TTI1: variants seen among roughly 807,000 people sequenced by gnomAD.
TTI1 encodes the protein TELO2-interacting protein 1 homolog.
Under a neutral mutation model 85.4 loss-of-function variants are expected in TTI1, and 52 were observed. The ratio of observed to expected loss-of-function variants is 0.61; its 90% CI spans 0.49 to 0.77. The LOEUF (loss-of-function observed/expected upper bound fraction) is 0.77. Ranked by LOEUF, TTI1 falls within the 30% of genes least tolerant of loss-of-function variation. The pLI is 0.00. For synonymous variants in TTI1, 512 were observed against 503.9 expected (o/e 1.02, Z -0.22); for missense variants, 1,173 against 1,296.0 (o/e 0.91, Z 1.46).
rs7266347 is a variant in TTI1 at position 37,990,407 on chromosome 20, C to T, written c.3086+5968G>A. ...AGCAAAATAACATACATGCTTTTTT[C>T]GGTCTTATAGATGAGAAAACAGAGA... On this transcript the variant is annotated intron_variant, in intron 7 of 7. Coordinates refer to ENST00000373447, the MANE Select transcript of TTI1 (RefSeq NM_001303457.2). Among the ~76,000 whole-genome samples the T allele has an allele frequency of 5.6e-3, 852 of 152,154 alleles. 6 individuals are homozygous for T. Among genetic ancestry groups the T allele is most frequent in the African/African-American group, 0.02 (810 of 41,514 alleles).
intron 1 of TTI1, among the ~76,000 whole-genome samples, chr20:38,029,297 T>C (rs1233342329): frequency 6.6e-6 from 1 of 152,070 alleles, no homozygotes; most frequent in Non-Finnish European, 1.5e-5. Context: ...AATCTGTGGA[T>C]ACAGCTATAG....
chr20:38,029,673 T>C (rs1600661740), intron 1 of TTI1, among the ~76,000 whole-genome samples: 1 of 151,992 alleles, frequency 6.6e-6, no homozygotes, highest in Admixed American at 6.6e-5. Flanking sequence ...CCTGCAGACA[T>C]CAAAGGGTAA....
intron 2 of TTI1, among the ~76,000 whole-genome samples, chr20:38,009,713 G>A (rs188848709): frequency 4.9e-4 from 74 of 152,216 alleles, no homozygotes; most frequent in Non-Finnish European, 1.1e-3. Flanking sequence ...AGGTTGCCCA[G>A]GCTGGTCTTG....
intron 7 of TTI1, among the ~76,000 whole-genome samples, chr20:37,986,655 C>T (rs1048134694): frequency 6.6e-6 from 1 of 152,258 alleles, no homozygotes; most frequent in Non-Finnish European, 1.5e-5. Context: ...ACCTGGCCCA[C>T]TCTCCTCACA....
At chr20:37,985,907 T>A (rs763976557) in intron 7 of TTI1, among the ~76,000 whole-genome samples, 5 of 152,180 alleles carry the variant, frequency 3.3e-5, no homozygotes, top group Non-Finnish European at 5.9e-5. Flanking sequence ...ATAACCTCCA[T>A]AGTGGTTGTT....
intron 1 of TTI1, among the ~76,000 whole-genome samples, chr20:38,031,370 C>T (rs1276813841): frequency 6.6e-6 from 1 of 152,242 alleles, no homozygotes; most frequent in Non-Finnish European, 1.5e-5. Flanking sequence ...ATTGTCCTCT[C>T]TGCTGTTGCT....
intron 1 of TTI1, among the ~76,000 whole-genome samples, chr20:38,014,356 T>A (rs1236784753): frequency 6.6e-6 from 1 of 152,190 alleles, no homozygotes; most frequent in East Asian, 1.9e-4. Flanking sequence ...TACAAAATAA[T>A]TCCAACAACC....
chr20:38,002,008 C>T (rs1026973874), intron 4 of TTI1, among the ~76,000 whole-genome samples: 5 of 152,118 alleles, frequency 3.3e-5, no homozygotes, highest in Admixed American at 6.5e-5. Flanking sequence ...TGAGCCACCG[C>T]GCCTGGCCGA....
intron 7 of TTI1, among the ~76,000 whole-genome samples, chr20:37,984,876 T>C (rs1434730944): frequency 6.6e-6 from 1 of 152,176 alleles, no homozygotes; most frequent in East Asian, 1.9e-4. Context: ...ACTGAACAGG[T>C]TCTCATTTCT....
In TTI1 at chr20:38,012,895, G is replaced by A. The variant is rs747760996; in HGVS notation, c.922C>T (p.Leu308=). The A allele has an allele frequency of 3.1e-6, 5 of 1,614,184 alleles. No homozygotes were observed. The highest frequency in any genetic ancestry group is 4.2e-6 in the Non-Finnish European group (5 of 1,180,038). Residue 308 remains leucine, a synonymous_variant, in exon 2 of 8, where the codon CTG becomes TTG. Coordinates refer to ENST00000373447, the MANE Select transcript of TTI1 (RefSeq NM_001303457.2). ...TCCTCCACAAGTTCTACCAGTTCCA[G>A]TCTCACCTTCCAGTGTGGGTGAACA... The part of the protein sequence containing the change: ...VSVHPHWKVR[L]ELVELVEDLL...
At chr20:38,021,781 C>G (rs1257485619) in intron 1 of TTI1, among the ~76,000 whole-genome samples, 1 of 152,172 alleles carries the variant, frequency 6.6e-6, no homozygotes, top group Non-Finnish European at 1.5e-5. Context: ...TCCCCTCTAC[C>G]TAACTTGTAA....
chr20:37,996,584 C>T, intron 6 of TTI1, 122 bp from the exon 7 acceptor site: 1 of 1,408,472 alleles, frequency 7.1e-7, no homozygotes, highest in South Asian at 1.2e-5. Context: ...TCTACTCCAT[C>T]CCGCCAAAGA....
chr20:37,998,595 C>CAT (rs1433582823), intron 5 of TTI1, among the ~76,000 whole-genome samples: 2 of 152,280 alleles, frequency 1.3e-5, no homozygotes, highest in South Asian at 2.1e-4. Context: ...TAATACCTTA[C>CAT]ATATATATAG....
At chr20:38,006,940 A>G (rs1217674749) in intron 2 of TTI1, among the ~76,000 whole-genome samples, 2 of 152,040 alleles carry the variant, frequency 1.3e-5, no homozygotes, top group Non-Finnish European at 2.9e-5. Flanking sequence ...CCTTCAACCA[A>G]CTCAGCTCTA....
In TTI1 at chr20:38,020,310, G is replaced by GAAAAAAAAAA. The variant is rs772839935; in HGVS notation, c.-41-6463_-41-6454dup. ...TGCTATGTCACTTGGCTACTCATAT[G>GAAAAAAAAAA]AAAAAAAAAAAAAATATATATATAT... On this transcript the variant is annotated intron_variant, in intron 1 of 7. Coordinates refer to ENST00000373447, the MANE Select transcript of TTI1 (RefSeq NM_001303457.2). Among the ~76,000 whole-genome samples the GAAAAAAAAAA allele has an allele frequency of 8.3e-5, 4 of 48,272 alleles. 1 individual carries two copies. The highest frequency in any genetic ancestry group is 4.2e-4 in the African/African-American group (4 of 9,432). 31.7% of individuals were successfully genotyped at this position (48,272 alleles called of 152,430 possible). A position where few individuals can be genotyped will look rare whatever the true frequency, so the allele number is the denominator to read the frequency against.
rs6022515 is a variant in TTI1, at chr20:38,033,305, T to C, written c.-42+99A>G. ...TTAGAAAGGAAATCCCCCTCCCATA[T>C]CCAGATCATGATCTCTCAGACTCAA... is the stretch of plus-strand genomic sequence containing the variant. On this transcript the variant is annotated intron_variant, in intron 1 of 7. Transcript: ENST00000373447. 0.27 allele frequency: 41,502 copies of C among 152,326 alleles called. 7,775 individuals carry two copies. The highest frequency in any genetic ancestry group is 0.54 in the African/African-American group (22,424 of 41,470). The allele number at this position is 152,326 out of a possible 1,614,324, so 9.4% of individuals were successfully genotyped here.
In TTI1 at chr20:38,011,688, G is replaced by A. The variant is rs768158225; in HGVS notation, c.2129C>T (p.Ala710Val). 2 of 1,614,114 alleles carry A rather than the reference G, an allele frequency of 1.2e-6. No homozygotes were observed. Among genetic ancestry groups the A allele is most frequent in the Non-Finnish European group, 1.7e-6 (2 of 1,180,050 alleles). The change falls in exon 2 of 8, where the codon GCT (alanine) becomes GTT (valine). Residue 710 changes from alanine (A) to valine (V), a missense_variant. Physicochemically the swap from Ala to Val is moderately conservative, Grantham distance 64. Transcript: ENST00000373447. ...GACCTTTGGGGTATGAGGATGCAGA[G>A]CCAGATGACGCAGATTTAAAGAGAT... ...NGISLNLRHL[A>V]LHPHTPKVLE...
chr20:37,997,013 G>A, intron 5 of TTI1, 60 bp from the exon 6 acceptor site: 2 of 1,561,138 alleles, frequency 1.3e-6, no homozygotes, highest in Admixed American at 3.5e-5. Context: ...GAGAGCTAAA[G>A]AATGCTTGGT....
chr20:38,026,773 G>A (rs1357018538), intron 1 of TTI1, among the ~76,000 whole-genome samples: 1 of 152,144 alleles, frequency 6.6e-6, no homozygotes, highest in Non-Finnish European at 1.5e-5. Flanking sequence ...AAATGCAACG[G>A]GCTTTCCTTA....
Sources: gnomAD v4.1 joint callset for allele counts (sites outside exome capture counted in the v4.1 genomes callset) on GRCh38, gnomAD v4.1.1 for gene constraint, MANE v1.5 for transcripts, NCBI Gene and HGNC (gene_info 2026-07-23, HGNC 2026-07-21) for gene names.